ZC2HC1C: variants seen among roughly 807,000 people sequenced by gnomAD.
ZC2HC1C encodes the protein zinc finger C2HC-type containing 1C.
ZC2HC1C carries 25 observed loss-of-function variants against 39.2 expected under a neutral mutation model. The ratio of observed to expected loss-of-function variants is 0.64; its 90% CI spans 0.47 to 0.89. ZC2HC1C has a LOEUF of 0.89. ZC2HC1C is among the 40% of genes least tolerant of loss of function. The pLI is 0.00. For synonymous variants in ZC2HC1C, 209 were observed against 214.4 expected, an observed-to-expected ratio of 0.97 and a Z score of 0.22; for missense variants, 519 against 548.6, an observed-to-expected ratio of 0.95 and a Z score of 0.54.
At chr14:75,073,751 TAATAAGTGTTAACTG>T in intron 2 of ZC2HC1C, 1 of 523,144 alleles carries the variant, frequency 1.9e-6, no homozygotes, top group Admixed American at 2.7e-5. Flanking sequence ...GCTTTGTGCT[TAATAAGTGTTAACTG>T]AATAGAATTT....
chr14:75,072,920 T>G (rs943535669), intron 2 of ZC2HC1C, among the ~76,000 whole-genome samples: 2 of 152,200 alleles, frequency 1.3e-5, no homozygotes, highest in African/African-American at 4.8e-5. Flanking sequence ...AAAGTGCAGA[T>G]GATTGAAGTT....
In ZC2HC1C at chr14:75,070,553, A is replaced by G; in HGVS notation, c.-19-2A>G. On this transcript the variant is annotated splice_acceptor_variant, in intron 1 of 2. Coordinates refer to ENST00000524913, the MANE Select transcript of ZC2HC1C (RefSeq NM_024643.4). LOFTEE classifies it low-confidence loss of function (5UTR_SPLICE). ...CGTGTATCTGGTTTAAATCTCCCGT[A>G]GGCGTCAGTCCAGGCCCTGAATGGC... is the stretch of plus-strand genomic sequence containing the variant. The G allele has an allele frequency of 6.3e-7, 1 of 1,579,194 alleles. No individual in the cohort carries two copies. Among genetic ancestry groups the G allele is most frequent in the Non-Finnish European group, 8.6e-7 (1 of 1,165,360 alleles).
chr14:75,070,351 T>C (rs764443603), intron 1 of ZC2HC1C, among the ~76,000 whole-genome samples: 17 of 152,202 alleles, frequency 1.1e-4, no homozygotes, highest in Non-Finnish European at 1.8e-4. Flanking sequence ...TTCGTTTTTC[T>C]ACCCTCAGGG....
In ZC2HC1C at chr14:75,071,921, G is replaced by A; in HGVS notation, c.1338+10G>A. 1 of 1,569,986 alleles carries A rather than the reference G, an allele frequency of 6.4e-7. No homozygotes were observed. Among genetic ancestry groups the A allele is most frequent in the Non-Finnish European group, 8.6e-7 (1 of 1,160,460 alleles). ...GCCAGCTTCAGCCAAGGTAACAAGAGCCTTATGGATGTGACTTGGTGTGGT... is the reference window on the plus strand; with the variant it reads ...GCCAGCTTCAGCCAAGGTAACAAGAACCTTATGGATGTGACTTGGTGTGGT... On this transcript the variant is annotated intron_variant, in intron 2 of 2. Transcript: ENST00000524913.
At position 75,079,958 on chromosome 14, in the gene ZC2HC1C, T is replaced by A. The variant is rs1396128392; in HGVS notation, c.*2394T>A. ...AAGGAAGCAGTTGTTTGCTCTCATTTTGCTAAAGAAATAAAACAATAGTCA... is the reference window on the plus strand; with the variant it reads ...AAGGAAGCAGTTGTTTGCTCTCATTATGCTAAAGAAATAAAACAATAGTCA... On this transcript the variant is annotated 3_prime_UTR_variant, in exon 3 of 3. Coordinates refer to ENST00000524913, the MANE Select transcript of ZC2HC1C (RefSeq NM_024643.4). 2.0e-5 allele frequency: 3 copies of A among 152,256 alleles called. No individual in the cohort carries two copies. The highest frequency in any genetic ancestry group is 4.4e-5 in the Non-Finnish European group (3 of 68,048). 9.4% of individuals were successfully genotyped at this position (152,256 alleles called of 1,614,324 possible).
rs773862961 is a variant in ZC2HC1C, at chr14:75,071,773, G to A, written c.1200G>A (p.Ser400=). ...GCCACTGTGGGCGCAAATTCCTCTCGTTCAGGCTGGAGAGACACTCCAACA... is the reference window on the plus strand; with the variant it reads ...GCCACTGTGGGCGCAAATTCCTCTCATTCAGGCTGGAGAGACACTCCAACA... ...ECSHCGRKFL[S]FRLERHSNIC... is the part of the protein sequence containing the mutation. The change falls in exon 2 of 3, where the codon TCG becomes TCA. Residue 400 remains serine, a synonymous_variant. Transcript: ENST00000524913. 6 of 1,614,148 alleles carry A rather than the reference G, an allele frequency of 3.7e-6. No individual in the cohort carries two copies. The highest frequency in any genetic ancestry group is 1.6e-4 in the Middle Eastern group (1 of 6,062).
chr14:75,071,101 G>T lies in ZC2HC1C; in HGVS notation c.528G>T (p.Arg176Ser). Reference protein sequence around the residue: ...RPPEPREFSSRNFGVRNQGNF... With the variant: ...RPPEPREFSSSNFGVRNQGNF... Reference sequence around the variant, plus strand: ...CTGAGCCGAGAGAGTTTTCATCTAGGAACTTTGGTGTGAGGAACCAGGGCA... The same window carrying T: ...CTGAGCCGAGAGAGTTTTCATCTAGTAACTTTGGTGTGAGGAACCAGGGCA... The change falls in exon 2 of 3, where the codon AGG (arginine) becomes AGT (serine). Residue 176 changes from arginine (R) to serine (S), a missense_variant. Transcript: ENST00000524913. 6.2e-7 allele frequency: 1 copy of T among 1,614,212 alleles called. No individual in the cohort carries two copies. Among genetic ancestry groups the T allele is most frequent in the Non-Finnish European group, 8.5e-7 (1 of 1,180,044 alleles).
At chr14:75,074,565 GTTTT>G (rs574488702) in intron 2 of ZC2HC1C, among the ~76,000 whole-genome samples, 193 of 150,422 alleles carry the variant, frequency 1.3e-3, no homozygotes, top group Admixed American at 2.9e-3. Context: ...TACATTACCT[GTTTT>G]TTTTTGTTTT....
Position 75,071,310 on chromosome 14 carries a change from G to T in ZC2HC1C, c.737G>T (p.Arg246Ile), listed in dbSNP as rs137942201. The T allele has an allele frequency of 1.2e-6, 2 of 1,614,178 alleles. No individual in the cohort carries two copies. The highest frequency in any genetic ancestry group is 2.7e-5 in the African/African-American group (2 of 75,048). The change falls in exon 2 of 3, where the codon AGA (arginine) becomes ATA (isoleucine). Residue 246 changes from arginine (R) to isoleucine (I), a missense_variant. Coordinates refer to ENST00000524913, the MANE Select transcript of ZC2HC1C (RefSeq NM_024643.4). ...GKLKKTEEEL[R>I]RIQTQKEQAK... Reference sequence around the variant, plus strand: ...CTGAAGAAGACAGAGGAGGAACTCAGAAGGATCCAGACGCAAAAGGAACAG... The same window carrying T: ...CTGAAGAAGACAGAGGAGGAACTCATAAGGATCCAGACGCAAAAGGAACAG...
rs532160756 is a variant in ZC2HC1C at position 75,079,160 on chromosome 14, A to G, written c.*1596A>G. 1 of 139,482 alleles carries G rather than the reference A, an allele frequency of 7.2e-6. No individual in the cohort carries two copies. The highest frequency in any genetic ancestry group is 2.2e-4 in the South Asian group (1 of 4,554). 8.6% of individuals were successfully genotyped at this position (139,482 alleles called of 1,614,324 possible). On this transcript the variant is annotated 3_prime_UTR_variant, in exon 3 of 3. Coordinates refer to ENST00000524913, the MANE Select transcript of ZC2HC1C (RefSeq NM_024643.4). ...TTTACTAAGTAACAAATGGCCACTC[A>G]CTCTTGCTCCATTTCCACTGCACTC...
At chr14:75,073,729 A>C (rs910210352) in intron 2 of ZC2HC1C, 2 of 803,146 alleles carry the variant, frequency 2.5e-6, no homozygotes, top group Admixed American at 5.0e-5. Context: ...GAGGACAGGG[A>C]ACATATTTTG....
rs761804077 is a variant in ZC2HC1C at position 75,070,613 on chromosome 14, G to A, written c.40G>A (p.Gly14Ser). ...GCGGTTGGCGTCACATCTGCCTGTG[G>A]GCGTTATGCTCCCACATAATACAAC... The part of the protein sequence containing the change: ...LQRLASHLPV[G>S]VMLPHNTTEA... Residue 14 changes from glycine (G) to serine (S), a missense_variant, in exon 2 of 3, where the codon GGC (glycine) becomes AGC (serine). Transcript: ENST00000524913. 1.2e-6 allele frequency: 2 copies of A among 1,613,800 alleles called. No individual in the cohort carries two copies. Among genetic ancestry groups the A allele is most frequent in the South Asian group, 2.2e-5 (2 of 91,052 alleles).
Position 75,071,509 on chromosome 14 carries a change from T to C in ZC2HC1C, c.936T>C (p.Asn312=). ...AAACTTGGGGACGGTCTCAACAAAA[T>C]TCAGGTCCATTCCAGTTCTCTGATT... The part of the protein sequence containing the change: ...EDETWGRSQQ[N]SGPFQFSDYR... The change falls in exon 2 of 3, where the codon AAT becomes AAC. Residue 312 remains asparagine, a synonymous_variant. Coordinates refer to ENST00000524913, the MANE Select transcript of ZC2HC1C (RefSeq NM_024643.4). The C allele has an allele frequency of 6.2e-7, 1 of 1,614,126 alleles. No individual in the cohort carries two copies. Among genetic ancestry groups the C allele is most frequent in the Non-Finnish European group, 8.5e-7 (1 of 1,180,026 alleles).
In ZC2HC1C at chr14:75,071,071, G is replaced by T. The variant is rs770413498; in HGVS notation, c.498G>T (p.Arg166Ser). The T allele has an allele frequency of 1.2e-6, 2 of 1,614,024 alleles. No homozygotes were observed. Among genetic ancestry groups the T allele is most frequent in the African/African-American group, 2.7e-5 (2 of 74,894 alleles). Reference protein sequence around the residue: ...GTDGDHNVYPRPPEPREFSSR... With the variant: ...GTDGDHNVYPSPPEPREFSSR... ...ATGGGGACCATAATGTCTACCCAAG[G>T]CCCCCTGAGCCGAGAGAGTTTTCAT... Residue 166 changes from arginine to serine, a missense_variant, in exon 2 of 3, where the codon AGG (arginine) becomes AGT (serine). Transcript: ENST00000524913.
chr14:75,079,988 C>T lies in ZC2HC1C; in HGVS notation c.*2424C>T, dbSNP rs989472143. ...AAAGAAATAAAACAATAGTCAATGC[C>T]TTAAGTGTTCCCTTTAATCTCTACA... On this transcript the variant is annotated 3_prime_UTR_variant, in exon 3 of 3. Coordinates refer to ENST00000524913, the MANE Select transcript of ZC2HC1C (RefSeq NM_024643.4). The T allele has an allele frequency of 6.6e-6, 1 of 152,206 alleles. No homozygotes were observed. The highest frequency in any genetic ancestry group is 2.1e-4 in the South Asian group (1 of 4,828). The allele number at this position is 152,206 out of a possible 1,614,324, so 9.4% of individuals were successfully genotyped here. A position where few individuals can be genotyped will look rare whatever the true frequency, so the allele number is the denominator to read the frequency against.
In ZC2HC1C at chr14:75,070,941, A is replaced by G. The variant is rs1893355071; in HGVS notation, c.368A>G (p.Gln123Arg). 1 of 1,614,084 alleles carries G rather than the reference A, an allele frequency of 6.2e-7. No homozygotes were observed. Among genetic ancestry groups the G allele is most frequent in the Non-Finnish European group, 8.5e-7 (1 of 1,180,052 alleles). ...PQSWYPKANNQDFIPFTKKRV... is the reference protein window; with the variant it reads ...PQSWYPKANNRDFIPFTKKRV... ...TCCTGGTATCCCAAAGCCAATAACC[A>G]GGACTTTATCCCCTTTACAAAGAAA... The change falls in exon 2 of 3, where the codon CAG becomes CGG. Residue 123 changes from glutamine to arginine, a missense_variant. By Grantham distance (43) the Gln-to-Arg change is conservative (BLOSUM62 1). Coordinates refer to ENST00000524913, the MANE Select transcript of ZC2HC1C (RefSeq NM_024643.4).
In ZC2HC1C at chr14:75,078,844, A is replaced by G. The variant is rs1465003786; in HGVS notation, c.*1280A>G. 1 of 152,200 alleles carries G rather than the reference A, an allele frequency of 6.6e-6. No homozygotes were observed. The highest frequency in any genetic ancestry group is 2.4e-5 in the African/African-American group (1 of 41,458). The allele number at this position is 152,200 out of a possible 1,614,324, so 9.4% of individuals were successfully genotyped here. On this transcript the variant is annotated 3_prime_UTR_variant, in exon 3 of 3. Transcript: ENST00000524913. ...GAAGGGAAAGGGATCAAATCTTTTT[A>G]ATTTTCTCTGTGTAGAATATTGCCT... is the stretch of plus-strand genomic sequence containing the variant.
chr14:75,070,694 T>A lies in ZC2HC1C; in HGVS notation c.121T>A (p.Ser41Thr). 1 of 1,614,164 alleles carries A rather than the reference T, an allele frequency of 6.2e-7. No individual in the cohort carries two copies. Among genetic ancestry groups the A allele is most frequent in the Non-Finnish European group, 8.5e-7 (1 of 1,180,034 alleles). The change falls in exon 2 of 3, where the codon TCC becomes ACC. Residue 41 changes from serine to threonine, a missense_variant. Ser to Thr is a moderately conservative substitution (Grantham distance 58, BLOSUM62 1). Coordinates refer to ENST00000524913, the MANE Select transcript of ZC2HC1C (RefSeq NM_024643.4). ...AGACTCTTACGAACAAGGTGACTCT[T>A]CCCAGCAGTCCTTGAAGGGGCACCT... Reference protein sequence around the residue: ...KQDSYEQGDSSQQSLKGHLRN... With the variant: ...KQDSYEQGDSTQQSLKGHLRN...
rs139976973 is a variant in ZC2HC1C, at chr14:75,071,679, G to T, written c.1106G>T (p.Ser369Ile). 451 of 1,614,156 alleles carry T rather than the reference G, an allele frequency of 2.8e-4. No individual in the cohort carries two copies. The African/African-American group carries it at 5.1e-3, about 18-fold the overall frequency. ...TTGCAGGGATCCGCCAGAAATTCCAGCCTGTCCATGGCACCAGACTCCTCA... is the reference window on the plus strand; with the variant it reads ...TTGCAGGGATCCGCCAGAAATTCCATCCTGTCCATGGCACCAGACTCCTCA... ...GALQGSARNS[S>I]LSMAPDSSGS... Residue 369 changes from serine (S) to isoleucine (I), a missense_variant, in exon 2 of 3, where the codon AGC (serine) becomes ATC (isoleucine). Transcript: ENST00000524913.
Sources: allele counts gnomAD v4.1 joint callset (sites outside exome capture counted in the v4.1 genomes callset), GRCh38; gene constraint gnomAD v4.1.1; transcripts MANE v1.5; gene names NCBI Gene and HGNC (gene_info 2026-07-23, HGNC 2026-07-21).